Variants in PAXBP1 observed in about 807,000 individuals in gnomAD.
PAXBP1 encodes the protein PAX3 and PAX7 binding protein 1.
PAXBP1 carries 44 observed loss-of-function variants against 119.9 expected under a neutral mutation model. The observed-to-expected ratio is 0.37, with a 90% CI of 0.29 to 0.47. The LOEUF is 0.47. Ranked by LOEUF, PAXBP1 falls within the 20% of genes least tolerant of loss-of-function variation. The pLI, the probability that PAXBP1 is intolerant of heterozygous loss-of-function variation, is 0.99. For missense variants in PAXBP1, 898 were observed against 1,134.1 expected (o/e 0.79, Z 2.99); for synonymous variants, 393 against 406.6 (o/e 0.97, Z 0.40).
intron 8 of PAXBP1, among the ~76,000 whole-genome samples, chr21:32,752,513 T>G (rs2043972280): frequency 6.6e-6 from 1 of 152,230 alleles, no homozygotes; most frequent in African/African-American, 2.4e-5. Context: ...TTGCATATTT[T>G]TTTACTTATC....
intron 15 of PAXBP1, among the ~76,000 whole-genome samples, chr21:32,739,315 T>C (rs1300607496): frequency 6.6e-6 from 1 of 152,210 alleles, no homozygotes; most frequent in East Asian, 1.9e-4. Flanking sequence ...CTGAGTTTGA[T>C]TCCCATCTCT....
intron 2 of PAXBP1, among the ~76,000 whole-genome samples, chr21:32,767,598 G>GCCA (rs2044262741): frequency 6.6e-6 from 1 of 152,130 alleles, no homozygotes; most frequent in Non-Finnish European, 1.5e-5. Context: ...CATGGGGGCT[G>GCCA]GTCTTTCCCG....
At chr21:32,741,670 C>T (rs1351444108) in intron 15 of PAXBP1, 1 of 650,466 alleles carries the variant, frequency 1.5e-6, no homozygotes, top group African/African-American at 1.8e-5. Flanking sequence ...AGTTTTTACA[C>T]AGAAAGGCAG....
chr21:32,747,838 A>G (rs2043897742), intron 11 of PAXBP1, among the ~76,000 whole-genome samples: 1 of 150,348 alleles, frequency 6.7e-6, no homozygotes, highest in Non-Finnish European at 1.5e-5. Context: ...CCCAGGCTGC[A>G]GTGCAGTGGC....
intron 12 of PAXBP1, 114 bp downstream of exon 12, chr21:32,745,460 A>T (rs770193646): frequency 1.3e-4 from 185 of 1,442,724 alleles, no homozygotes; most frequent in Non-Finnish European, 1.7e-4. Flanking sequence ...GGTGGTAACT[A>T]TTATTTCTCA....
At position 32,755,129 on chromosome 21, in the gene PAXBP1, A is replaced by T. The variant is rs1366431300; in HGVS notation, c.1507+101T>A. 2.1e-3 allele frequency: 70 copies of T among 32,580 alleles called. No individual in the cohort carries two copies. In the East Asian group the frequency reaches 0.052, roughly 24 times the overall value. The allele number at this position is 32,580 out of a possible 1,614,324, so 2.0% of individuals were successfully genotyped here. On this transcript the variant is annotated intron_variant, in intron 8 of 17. Transcript: ENST00000331923. Reference sequence around the variant, plus strand: ...CAACAGCAAGGAAATTGTTTCTTTAAAAAAAAAAAAAAAAGCTCCAAGATC... The same window carrying T: ...CAACAGCAAGGAAATTGTTTCTTTATAAAAAAAAAAAAAAGCTCCAAGATC...
At chr21:32,743,389 ATT>A in intron 14 of PAXBP1, 75 bp from the exon 15 acceptor site, 1 of 998,574 alleles carries the variant, frequency 1.0e-6, no homozygotes, top group Non-Finnish European at 1.5e-6. Context: ...TGGACAAAAG[ATT>A]TTTCTACAAA....
intron 17 of PAXBP1, 34 bp from the exon 18 acceptor site, chr21:32,735,101 T>C: frequency 4.8e-6 from 7 of 1,460,488 alleles, no homozygotes; most frequent in Non-Finnish European, 6.7e-6. Flanking sequence ...ATCTCATTAA[T>C]TAGTATATCT....
intron 4 of PAXBP1, among the ~76,000 whole-genome samples, 165 bp from the exon 5 acceptor site, chr21:32,761,327 T>C (rs987117385): frequency 6.6e-6 from 1 of 152,254 alleles, no homozygotes. Context: ...CTTTGCCTGT[T>C]TTAAACACAG....
rs1265126483 is a variant in PAXBP1, at chr21:32,734,749, A to ACT, written c.*200_*201insAG. 5.1e-6 allele frequency: 3 copies of ACT among 587,178 alleles called. No homozygotes were observed. Among genetic ancestry groups the ACT allele is most frequent in the African/African-American group, 3.7e-5 (2 of 53,456 alleles). The allele number at this position is 587,178 out of a possible 1,614,324, so 36.4% of individuals were successfully genotyped here. A position where few individuals can be genotyped will look rare whatever the true frequency, so the allele number is the denominator to read the frequency against. ...GTAAACAAAGTATGACAGGCAGTAAAGAAAACATTCATAGACTCCTAGAAA... is the reference window on the plus strand; with the variant it reads ...GTAAACAAAGTATGACAGGCAGTAAACTGAAAACATTCATAGACTCCTAGAAA... On this transcript the variant is annotated 3_prime_UTR_variant, in exon 18 of 18. Coordinates refer to ENST00000331923, the MANE Select transcript of PAXBP1 (RefSeq NM_016631.4).
At chr21:32,756,527 C>T (rs1490268664) in intron 7 of PAXBP1, 3 of 376,132 alleles carry the variant, frequency 8.0e-6, no homozygotes, top group African/African-American at 6.7e-5. Context: ...ACACCATGGG[C>T]AACAATGTCC....
Position 32,748,504 on chromosome 21 carries a change from G to C in PAXBP1, c.1918C>G (p.Leu640Val). The change falls in exon 11 of 18, where the codon CTT (leucine) becomes GTT (valine). Residue 640 changes from leucine (L) to valine (V), a missense_variant. Coordinates refer to ENST00000331923, the MANE Select transcript of PAXBP1 (RefSeq NM_016631.4). ...IRLQLLTWTP[L>V]EAKCRDFENM... ...TAGTGACAGAAGCCACTCACCTCAA[G>C]AGGAGTCCAAGTGAGGAGCTGAAGT... The C allele has an allele frequency of 1.2e-6, 2 of 1,612,540 alleles. No individual in the cohort carries two copies. The highest frequency in any genetic ancestry group is 1.7e-6 in the Non-Finnish European group (2 of 1,179,236).
At position 32,734,809 on chromosome 21, in the gene PAXBP1, T is replaced by C. The variant is rs2043669622; in HGVS notation, c.*141A>G. 1 of 679,630 alleles carries C rather than the reference T, an allele frequency of 1.5e-6. No individual in the cohort carries two copies. The highest frequency in any genetic ancestry group is 2.6e-6 in the Non-Finnish European group (1 of 384,574). 42.1% of individuals were successfully genotyped at this position (679,630 alleles called of 1,614,324 possible). On this transcript the variant is annotated 3_prime_UTR_variant, in exon 18 of 18. Transcript: ENST00000331923. ...TTCCTTTCATTCTGAAGAAATATCA[T>C]TTAAGGACACAGTATTGAATATAAT...
intron 8 of PAXBP1, among the ~76,000 whole-genome samples, chr21:32,754,573 A>G (rs1328491205): frequency 1.3e-5 from 2 of 152,254 alleles, no homozygotes; most frequent in African/African-American, 4.8e-5. Context: ...CTGGTTTTCC[A>G]TAACACATGT....
At chr21:32,765,529 G>A (rs1265593750) in intron 2 of PAXBP1, among the ~76,000 whole-genome samples, 1 of 152,084 alleles carries the variant, frequency 6.6e-6, no homozygotes, top group Non-Finnish European at 1.5e-5. Context: ...TTCTCAATAT[G>A]AAAGATATTT....
chr21:32,750,880 A>G, intron 10 of PAXBP1, 37 bp downstream of exon 10: 1 of 1,482,304 alleles, frequency 6.7e-7, no homozygotes, highest in Non-Finnish European at 9.3e-7. Context: ...TAGAAACTAA[A>G]CTGATGATGA....
intron 5 of PAXBP1, 104 bp downstream of exon 5, chr21:32,760,955 C>T: frequency 1.3e-6 from 1 of 767,548 alleles, no homozygotes; most frequent in Admixed American, 2.3e-5. Flanking sequence ...GATTTTGTTA[C>T]TTGAAATGAA....
chr21:32,754,384 G>C (rs1220751542), intron 8 of PAXBP1, among the ~76,000 whole-genome samples: 2 of 152,128 alleles, frequency 1.3e-5, no homozygotes, highest in Non-Finnish European at 2.9e-5. Flanking sequence ...ACTTCCATTT[G>C]AGAAATGCTG....
rs575614689 is a variant in PAXBP1, at chr21:32,745,520, G to T, written c.2068+54C>A. Reference sequence around the variant, plus strand: ...TCTGAATTATAAACTCATAAAAATAGATTTGAGAAAGCCAGTGTGTCTGAA... The same window carrying T: ...TCTGAATTATAAACTCATAAAAATATATTTGAGAAAGCCAGTGTGTCTGAA... On this transcript the variant is annotated intron_variant, in intron 12 of 17. Transcript: ENST00000331923. 3.0e-3 allele frequency: 4,772 copies of T among 1,592,272 alleles called. 15 individuals are homozygous for T. Among genetic ancestry groups the T allele is most frequent in the Non-Finnish European group, 3.5e-3 (4,100 of 1,163,320 alleles).
Sources: allele counts gnomAD v4.1 joint callset (sites outside exome capture counted in the v4.1 genomes callset), GRCh38; gene constraint gnomAD v4.1.1; transcripts MANE v1.5; gene names NCBI Gene and HGNC (gene_info 2026-07-23, HGNC 2026-07-21).